The following ZFYVE28 variants were observed in gnomAD, a reference collection of about 807,000 sequenced individuals.
ZFYVE28 encodes zinc finger FYVE-type containing 28.
In ZFYVE28, 40 loss-of-function variants were observed where a neutral mutation model predicts 82.1. The ratio of observed to expected loss-of-function variants is 0.49; its 90% CI spans 0.38 to 0.63. ZFYVE28 has a LOEUF of 0.63. ZFYVE28 is among the 30% of genes least tolerant of loss of function. ZFYVE28 has a pLI of 0.00. For synonymous variants in ZFYVE28, 612 were observed against 546.1 expected, an observed-to-expected ratio of 1.12 and a Z score of -1.68; for missense variants, 1,321 against 1,242.1, an observed-to-expected ratio of 1.06 and a Z score of -0.96.
Position 2,269,885 on chromosome 4 carries a change from C to A in ZFYVE28, c.*840G>T, listed in dbSNP as rs1735771756. On this transcript the variant is annotated 3_prime_UTR_variant, in exon 13 of 13. Coordinates refer to ENST00000290974, the MANE Select transcript of ZFYVE28 (RefSeq NM_020972.3). ...CACTCAGCTGCGGCAGCTTGGGTCC[C>A]AGGCCACTCTGGGGTCTGAGGAATT... 1 of 152,216 alleles carries A rather than the reference C, an allele frequency of 6.6e-6. No individual in the cohort carries two copies. The highest frequency in any genetic ancestry group is 6.5e-5 in the Admixed American group (1 of 15,280). 9.4% of individuals were successfully genotyped at this position (152,216 alleles called of 1,614,324 possible). A position where few individuals can be genotyped will look rare whatever the true frequency, so the allele number is the denominator to read the frequency against.
rs1578224347 is a variant in ZFYVE28 at position 2,355,243 on chromosome 4, T to C, written c.40-1170A>G. On this transcript the variant is annotated intron_variant, in intron 1 of 12. Coordinates refer to ENST00000290974, the MANE Select transcript of ZFYVE28 (RefSeq NM_020972.3). ...ATATATATATATATATATATATATA[T>C]ATATATATATATATATATATATATA... Among the ~76,000 whole-genome samples, 3 of 34,584 alleles carry C rather than the reference T, an allele frequency of 8.7e-5. 1 individual carries two copies. The highest frequency in any genetic ancestry group is 1.6e-4 in the Non-Finnish European group (3 of 18,340). 22.7% of individuals were successfully genotyped at this position (34,584 alleles called of 152,430 possible). A position where few individuals can be genotyped will look rare whatever the true frequency, so the allele number is the denominator to read the frequency against.
At chr4:2,336,214 T>C (rs1291321832) in intron 5 of ZFYVE28, among the ~76,000 whole-genome samples, 2 of 152,070 alleles carry the variant, frequency 1.3e-5, no homozygotes, top group East Asian at 3.9e-4. Flanking sequence ...ATTCAACACT[T>C]CCCTGAGAAA....
rs377509131 is a variant in ZFYVE28 at position 2,372,363 on chromosome 4, C to T, written c.40-18290G>A. Reference sequence around the variant, plus strand: ...GCTGCCTCCCCAGCCCTTCCATCGCCGCCTCCTGCCACCACCGCTCCCGCC... The same window carrying T: ...GCTGCCTCCCCAGCCCTTCCATCGCTGCCTCCTGCCACCACCGCTCCCGCC... On this transcript the variant is annotated intron_variant, in intron 1 of 12. Transcript: ENST00000290974. The surrounding 1 kb of genome is among the most constrained non-coding windows in gnomAD (Gnocchi z 5.2). 5.3e-5 allele frequency among the ~76,000 whole-genome samples: 8 copies of T among 152,086 alleles called. No homozygotes were observed. In the South Asian group the frequency reaches 1.0e-3, roughly 20 times the overall value.
At chr4:2,281,059 C>T (rs1711896815) in intron 8 of ZFYVE28, among the ~76,000 whole-genome samples, 1 of 152,248 alleles carries the variant, frequency 6.6e-6, no homozygotes, top group African/African-American at 2.4e-5. Flanking sequence ...AGACACCCTT[C>T]ACTTGCCACA....
chr4:2,363,648 C>G (rs1171848174), intron 1 of ZFYVE28, among the ~76,000 whole-genome samples: 1 of 152,194 alleles, frequency 6.6e-6, no homozygotes, highest in South Asian at 2.1e-4. Context: ...TGTTGCGTAA[C>G]TTGTATGTGA....
chr4:2,330,612 AGAC>A, intron 6 of ZFYVE28: 1 of 1,318,010 alleles, frequency 7.6e-7, no homozygotes, highest in Non-Finnish European at 9.8e-7. Flanking sequence ...GGAACAGCAT[AGAC>A]AAGGGGACAG....
intron 2 of ZFYVE28, among the ~76,000 whole-genome samples, chr4:2,346,163 CT>C (rs1470235304): frequency 9.8e-5 from 5 of 51,046 alleles, no homozygotes; most frequent in Admixed American, 2.6e-4. Flanking sequence ...CCCGTCTCTA[CT>C]AAAAAAAAAA....
intron 1 of ZFYVE28, among the ~76,000 whole-genome samples, chr4:2,387,056 T>TCCGGGGCCGGGGCCGGGG (rs59609334): frequency 1.8e-3 from 272 of 152,040 alleles, no homozygotes; most frequent in African/African-American, 6.4e-3. Context: ...TGCAGGAGAC[T>TCCGGGGCCGGGGCCGGGG]CCGGGGCCGG....
chr4:2,290,824 C>G (rs1298933954), intron 8 of ZFYVE28, among the ~76,000 whole-genome samples: 4 of 152,166 alleles, frequency 2.6e-5, no homozygotes, highest in Non-Finnish European at 5.9e-5. Flanking sequence ...GGGCCATAAT[C>G]TGGTCCCTCC....
At chr4:2,314,173 A>C (rs1717888375) in intron 7 of ZFYVE28, among the ~76,000 whole-genome samples, 1 of 152,222 alleles carries the variant, frequency 6.6e-6, no homozygotes, top group Non-Finnish European at 1.5e-5. Flanking sequence ...TATCTGTAGT[A>C]ATCTTTCTTG....
At chr4:2,314,119 C>A (rs1392928715) in intron 7 of ZFYVE28, among the ~76,000 whole-genome samples, 1 of 152,180 alleles carries the variant, frequency 6.6e-6, no homozygotes, top group Non-Finnish European at 1.5e-5. Flanking sequence ...ATTGTGACAT[C>A]TTCCTACTGA....
At chr4:2,411,557 C>A (rs1732522838) in intron 1 of ZFYVE28, among the ~76,000 whole-genome samples, 1 of 152,182 alleles carries the variant, frequency 6.6e-6, no homozygotes, top group Non-Finnish European at 1.5e-5. Context: ...CGATGACAGT[C>A]CAGTGCCTTC....
chr4:2,319,339 C>A (rs938837625), intron 7 of ZFYVE28, among the ~76,000 whole-genome samples: 1 of 152,152 alleles, frequency 6.6e-6, no homozygotes, highest in Non-Finnish European at 1.5e-5. Flanking sequence ...GCCCCTGAAC[C>A]CACTGACGCC....
At position 2,349,853 on chromosome 4, in the gene ZFYVE28, T is replaced by C. The variant is rs1724101115; in HGVS notation, c.180+4080A>G. The stretch of plus-strand genomic sequence containing the variant: ...CCTAATAAGAACTCTCAGCAAGCTA[T>C]GAGTAGGTGGCAACTGCCTTGGCCT... On this transcript the variant is annotated intron_variant, in intron 2 of 12. Transcript: ENST00000290974. Among the ~76,000 whole-genome samples, 4 of 152,206 alleles carry C rather than the reference T, an allele frequency of 2.6e-5. No homozygotes were observed. In the South Asian group the frequency reaches 8.3e-4, roughly 32 times the overall value.
intron 8 of ZFYVE28, among the ~76,000 whole-genome samples, chr4:2,279,203 G>A (rs916787566): frequency 5.3e-5 from 8 of 152,200 alleles, no homozygotes; most frequent in African/African-American, 1.2e-4. Flanking sequence ...AGGCCGAGGC[G>A]AGAGGATCAC....
At chr4:2,313,239 G>C (rs1294130203) in intron 7 of ZFYVE28, among the ~76,000 whole-genome samples, 2 of 151,268 alleles carry the variant, frequency 1.3e-5, no homozygotes, top group Non-Finnish European at 2.9e-5. Flanking sequence ...CTGATAAATG[G>C]TCCACATGCT....
At position 2,270,800 on chromosome 4, in the gene ZFYVE28, C is replaced by T; in HGVS notation, c.2589G>A (p.Val863=). 3 of 1,613,126 alleles carry T rather than the reference C, an allele frequency of 1.9e-6. No homozygotes were observed. Among genetic ancestry groups the T allele is most frequent in the Non-Finnish European group, 2.5e-6 (3 of 1,179,948 alleles). The change falls in exon 13 of 13, where the codon GTG becomes GTA. Residue 863 remains valine (V), a synonymous_variant. Coordinates refer to ENST00000290974, the MANE Select transcript of ZFYVE28 (RefSeq NM_020972.3). ...HSAPLPRYGQ[V]KPVRVCTHCY... ...AGTGGGTGCACACTCGGACCGGCTTCACCTGCCCGTAGCGGGGCAGCGGTG... is the reference window on the plus strand; with the variant it reads ...AGTGGGTGCACACTCGGACCGGCTTTACCTGCCCGTAGCGGGGCAGCGGTG...
chr4:2,282,429 G>T (rs557503404), intron 8 of ZFYVE28, among the ~76,000 whole-genome samples: 13 of 152,314 alleles, frequency 8.5e-5, no homozygotes, highest in Admixed American at 5.9e-4. Flanking sequence ...CAGCACACAG[G>T]GGGGATAAAT....
At position 2,335,590 on chromosome 4, in the gene ZFYVE28, A is replaced by G; in HGVS notation, c.701+115T>C. Reference sequence around the variant, plus strand: ...TGCCTGTCACTGATCGGGACAGCTGAGCGGCCACCGTGAGGTGGAGACGCC... The same window carrying G: ...TGCCTGTCACTGATCGGGACAGCTGGGCGGCCACCGTGAGGTGGAGACGCC... On this transcript the variant is annotated intron_variant, in intron 6 of 12. Coordinates refer to ENST00000290974, the MANE Select transcript of ZFYVE28 (RefSeq NM_020972.3). This position sits in a 1 kb window ranked among gnomAD's most constrained non-coding sequence, Gnocchi z 5.8. 2.1e-6 allele frequency: 2 copies of G among 945,658 alleles called. No homozygotes were observed. The highest frequency in any genetic ancestry group is 2.6e-5 in the East Asian group (1 of 37,902). The allele number at this position is 945,658 out of a possible 1,614,324, so 58.6% of individuals were successfully genotyped here. A position where few individuals can be genotyped will look rare whatever the true frequency, so the allele number is the denominator to read the frequency against.
Sources: gnomAD v4.1 joint callset for allele counts (sites outside exome capture counted in the v4.1 genomes callset) on GRCh38, gnomAD v4.1.1 for gene constraint, Gnocchi (gnomAD v3.1) non-coding constraint, MANE v1.5 for transcripts, NCBI Gene and HGNC (gene_info 2026-07-23, HGNC 2026-07-21) for gene names.